The following LYPD6 variants were observed in gnomAD, a reference collection of about 807,000 sequenced individuals.
The protein encoded by LYPD6 is LY6/PLAUR domain containing 6.
In LYPD6, 15 loss-of-function variants were observed where a neutral mutation model predicts 22.7. The observed-to-expected ratio is 0.66, with a 90% CI of 0.44 to 1.02. LYPD6 has a LOEUF of 1.02. LYPD6 is among the 50% of genes least tolerant of loss of function. The pLI, the probability that LYPD6 is intolerant of heterozygous loss-of-function variation, is 0.00. For missense variants in LYPD6, 189 were observed against 208.4 expected (o/e 0.91, Z 0.57); for synonymous variants, 72 against 77.5 (o/e 0.93, Z 0.37).
chr2:149,371,422 C>T (rs1049975927), intron 1 of LYPD6, among the ~76,000 whole-genome samples: 3 of 152,250 alleles, frequency 2.0e-5, no homozygotes, highest in South Asian at 2.1e-4. Context: ...AGAAAGTGGA[C>T]GTATATATCA....
the LYPD6 span, among the ~76,000 whole-genome samples, chr2:149,479,155 G>A: frequency 1.3e-5 from 2 of 152,020 alleles, no homozygotes; most frequent in African/African-American, 2.4e-5. Flanking sequence ...TCTCAGCTTC[G>A]TTCAACACTT....
chr2:149,420,826 C>G (rs927186484), intron 1 of LYPD6, among the ~76,000 whole-genome samples: 4 of 152,126 alleles, frequency 2.6e-5, no homozygotes, highest in Admixed American at 6.5e-5. Flanking sequence ...TGGAGAACTT[C>G]TCAGTGCTGT....
chr2:149,394,930 ACAATTCAAAATGGTGGACAAGATATTCC>A (rs1275182731), intron 1 of LYPD6, among the ~76,000 whole-genome samples: 1 of 152,174 alleles, frequency 6.6e-6, no homozygotes, highest in Middle Eastern at 3.2e-3. Flanking sequence ...TCCATTATTC[ACAATTCAAAATGGTGGACAAGATATTCC>A]AAAAAATGAG....
rs774435150 is a variant in LYPD6, at chr2:149,470,954, A to G, written c.*104A>G. ...ACAGTAATTACACATGTGAGACACAACACTCTTGGAGGTCATCACAGCCAA... is the reference window on the plus strand; with the variant it reads ...ACAGTAATTACACATGTGAGACACAGCACTCTTGGAGGTCATCACAGCCAA... On this transcript the variant is annotated 3_prime_UTR_variant, in exon 5 of 5. Transcript: ENST00000334166. 1.7e-5 allele frequency: 18 copies of G among 1,071,852 alleles called. No homozygotes were observed. Among genetic ancestry groups the G allele is most frequent in the Admixed American group, 8.2e-5 (4 of 48,800 alleles). 66.4% of individuals were successfully genotyped at this position (1,071,852 alleles called of 1,614,324 possible). A position where few individuals can be genotyped will look rare whatever the true frequency, so the allele number is the denominator to read the frequency against.
intron 3 of LYPD6, among the ~76,000 whole-genome samples, chr2:149,454,764 T>C (rs1680912987): frequency 6.6e-6 from 1 of 152,122 alleles, no homozygotes; most frequent in African/African-American, 2.4e-5. Context: ...ACAGAAACAA[T>C]AGAAGGTAGA....
intron 1 of LYPD6, among the ~76,000 whole-genome samples, chr2:149,354,207 T>G (rs893468725): frequency 6.6e-6 from 1 of 152,090 alleles, no homozygotes; most frequent in Non-Finnish European, 1.5e-5. Context: ...TTCCTTCCTA[T>G]AGCCATTTTT....
intron 1 of LYPD6, among the ~76,000 whole-genome samples, chr2:149,432,323 A>G (rs1184675141): frequency 3.3e-5 from 5 of 152,252 alleles, no homozygotes; most frequent in African/African-American, 9.6e-5. Context: ...AGTATTCACA[A>G]TAGCCAAAAA....
chr2:149,441,872 T>C (rs1683574976), intron 2 of LYPD6, among the ~76,000 whole-genome samples: 2 of 152,160 alleles, frequency 1.3e-5, no homozygotes, highest in Admixed American at 1.3e-4. Context: ...CCTAAGAATA[T>C]CCAATTTTCC....
chr2:149,429,127 T>C (rs1193358434), intron 1 of LYPD6, among the ~76,000 whole-genome samples: 1 of 152,126 alleles, frequency 6.6e-6, no homozygotes, highest in Non-Finnish European at 1.5e-5. Context: ...GTGATTTCAA[T>C]AAAAATGACA....
intron 1 of LYPD6, among the ~76,000 whole-genome samples, chr2:149,388,710 G>A (rs1270783216): frequency 6.6e-6 from 1 of 152,128 alleles, no homozygotes; most frequent in Non-Finnish European, 1.5e-5. Flanking sequence ...AAGATGATTA[G>A]CTACATTTAG....
At position 149,369,321 on chromosome 2, in the gene LYPD6, G is replaced by T. The variant is rs371341198; in HGVS notation, c.-72+38599G>T. On this transcript the variant is annotated intron_variant, in intron 1 of 4. Coordinates refer to ENST00000334166, the MANE Select transcript of LYPD6 (RefSeq NM_194317.5). ...TCTCCAGGAGCACAGCAGGCACTCT[G>T]TCACACTAAGGTCCTCATATTGCAG... is the stretch of plus-strand genomic sequence containing the variant. 4.1e-4 allele frequency among the ~76,000 whole-genome samples: 62 copies of T among 152,274 alleles called. No individual in the cohort carries two copies. The East Asian group carries it at 5.2e-3, about 13-fold the overall frequency.
chr2:149,418,223 A>G (rs542718711), intron 1 of LYPD6, among the ~76,000 whole-genome samples: 30 of 152,324 alleles, frequency 2.0e-4, no homozygotes, highest in African/African-American at 6.7e-4. Context: ...TCCAGGCAAT[A>G]TGGAAATTCC....
chr2:149,450,152 C>T (rs1683775903), intron 3 of LYPD6, among the ~76,000 whole-genome samples: 1 of 152,202 alleles, frequency 6.6e-6, no homozygotes, highest in African/African-American at 2.4e-5. Context: ...TCAAAGAAAT[C>T]ACTGAAAGCC....
At chr2:149,449,219 T>C (rs1292317067) in intron 3 of LYPD6, 72 bp downstream of exon 3, 1 of 1,000,372 alleles carries the variant, frequency 1.0e-6, no homozygotes, top group South Asian at 1.5e-5. Flanking sequence ...ACTTTGGTGA[T>C]GTATAAAGAG....
intron 1 of LYPD6, among the ~76,000 whole-genome samples, chr2:149,364,824 T>C (rs1681630743): frequency 6.6e-6 from 1 of 152,176 alleles, no homozygotes; most frequent in Non-Finnish European, 1.5e-5. Context: ...AGAATGCATA[T>C]CTCACGGCAA....
At chr2:149,366,463 G>A (rs568237025) in intron 1 of LYPD6, among the ~76,000 whole-genome samples, 1 of 152,230 alleles carries the variant, frequency 6.6e-6, no homozygotes, top group East Asian at 1.9e-4. Context: ...AGAGCCCCAG[G>A]TAGCTTCTGT....
At chr2:149,378,557 T>G (rs1299673537) in intron 1 of LYPD6, among the ~76,000 whole-genome samples, 1 of 152,242 alleles carries the variant, frequency 6.6e-6, no homozygotes, top group Admixed American at 6.5e-5. Flanking sequence ...GTCTCTTATC[T>G]GTAAGGTGCT....
chr2:149,466,967 T>C (rs1681215371), intron 3 of LYPD6, among the ~76,000 whole-genome samples: 1 of 152,140 alleles, frequency 6.6e-6, no homozygotes, highest in Admixed American at 6.5e-5. Context: ...TCGAGTCTGA[T>C]ACCAAAGAAG....
chr2:149,335,994 G>GT (rs1177839832), intron 1 of LYPD6, among the ~76,000 whole-genome samples: 1 of 152,132 alleles, frequency 6.6e-6, no homozygotes, highest in East Asian at 1.9e-4. Flanking sequence ...TATCTCCATT[G>GT]TTCAGTGATA....
Sources: allele counts gnomAD v4.1 joint callset (sites outside exome capture counted in the v4.1 genomes callset), GRCh38; gene constraint gnomAD v4.1.1; transcripts MANE v1.5; gene names NCBI Gene and HGNC (gene_info 2026-07-23, HGNC 2026-07-21).